GNB1L: variants seen among roughly 807,000 people sequenced by gnomAD.
GNB1L encodes the protein guanine nucleotide-binding protein subunit beta-like protein 1.
Under a neutral mutation model 29.1 loss-of-function variants are expected in GNB1L, and 20 were observed. The ratio of observed to expected loss-of-function variants is 0.69; its 90% CI spans 0.48 to 1.00. The LOEUF (loss-of-function observed/expected upper bound fraction) is 1.00, where lower values mean the gene tolerates loss of function less well. Among genes scored for constraint, GNB1L ranks in the 50% least tolerant of loss-of-function variants. The pLI is 0.00. For synonymous variants in GNB1L, 193 were observed against 206.5 expected (o/e 0.93, Z 0.56); for missense variants, 421 against 464.9 (o/e 0.91, Z 0.87).
At chr22:19,847,133 C>A in intron 2 of GNB1L, 1 of 985,420 alleles carries the variant, frequency 1.0e-6, no homozygotes, top group Non-Finnish European at 1.2e-6. Context: ...TTACTTGTGG[C>A]CTGCTGTGGC....
intron 7 of GNB1L, among the ~76,000 whole-genome samples, chr22:19,793,393 C>A (rs554979284): frequency 1.4e-4 from 21 of 152,198 alleles, no homozygotes; most frequent in East Asian, 1.2e-3. Context: ...ATTGCCCAAT[C>A]TGAAGAGAGA....
intron 7 of GNB1L, among the ~76,000 whole-genome samples, chr22:19,794,156 C>T (rs1262387477): frequency 6.6e-6 from 1 of 152,140 alleles, no homozygotes; most frequent in African/African-American, 2.4e-5. Flanking sequence ...GTAGTCCCAA[C>T]TACTTGGGAG....
chr22:19,820,108 T>C (rs1312622739), intron 4 of GNB1L, among the ~76,000 whole-genome samples: 1 of 152,122 alleles, frequency 6.6e-6, no homozygotes, highest in Non-Finnish European at 1.5e-5. Context: ...GTGTGTGACC[T>C]GCCATGCTCA....
At chr22:19,824,860 C>T (rs1424582249) in intron 2 of GNB1L, among the ~76,000 whole-genome samples, 1 of 152,246 alleles carries the variant, frequency 6.6e-6, no homozygotes, top group Non-Finnish European at 1.5e-5. Flanking sequence ...CCAAACACCA[C>T]AGGTCCCTAC....
intron 4 of GNB1L, among the ~76,000 whole-genome samples, chr22:19,817,063 G>A (rs1358455779): frequency 6.6e-6 from 1 of 152,256 alleles, no homozygotes; most frequent in East Asian, 1.9e-4. Flanking sequence ...TAAAGTTCCT[G>A]GGAGACATGG....
rs762993021 is a variant in GNB1L, at chr22:19,816,599, T to G, written c.254+3999A>C. On this transcript the variant is annotated intron_variant, in intron 4 of 7. Transcript: ENST00000329517. This position sits in a 1 kb window ranked among gnomAD's most constrained non-coding sequence, Gnocchi z 4.4. Reference sequence around the variant, plus strand: ...GGAACACACACATGCCTCACATGCATGCACACAACACACAATCACACACAC... The same window carrying G: ...GGAACACACACATGCCTCACATGCAGGCACACAACACACAATCACACACAC... 3.9e-5 allele frequency among the ~76,000 whole-genome samples: 6 copies of G among 152,056 alleles called. No homozygotes were observed. The highest frequency in any genetic ancestry group is 7.4e-5 in the Non-Finnish European group (5 of 67,990).
At position 19,784,654 on chromosome 22, in the gene GNB1L, C is replaced by G. The variant is rs1937175744; in HGVS notation, c.*4055G>C. On this transcript the variant is annotated 3_prime_UTR_variant, in exon 8 of 8. Coordinates refer to ENST00000329517, the MANE Select transcript of GNB1L (RefSeq NM_053004.3). ...AGAGGTCAGCACATGGTGGCGCCCA[C>G]CGTCGAGAGGGGAGGCCCCTTGGCA... The G allele has an allele frequency of 6.6e-6, 1 of 152,292 alleles. No homozygotes were observed. The highest frequency in any genetic ancestry group is 2.1e-4 in the South Asian group (1 of 4,832). 9.4% of individuals were successfully genotyped at this position (152,292 alleles called of 1,614,324 possible). A position where few individuals can be genotyped will look rare whatever the true frequency, so the allele number is the denominator to read the frequency against.
rs764910561 is a variant in GNB1L at position 19,812,321 on chromosome 22, G to T, written c.381C>A (p.Arg127=). Residue 127 remains arginine, a synonymous_variant, in exon 5 of 8, where the codon CGC becomes CGA. Coordinates refer to ENST00000329517, the MANE Select transcript of GNB1L (RefSeq NM_053004.3). ...RSSILAGGQP[R]WTLAVPGRGS... is the part of the protein sequence containing the mutation. ...CCCTCCCTGGCACGGCAAGCGTCCA[G>T]CGTGGCTGGCCCCCGGCCAGGATGC... 3.1e-6 allele frequency: 5 copies of T among 1,613,066 alleles called. No individual in the cohort carries two copies. In the South Asian group the frequency reaches 5.5e-5, roughly 18 times the overall value.
At chr22:19,852,051 TG>T (rs774450460) in intron 2 of GNB1L, 3 of 1,614,070 alleles carry the variant, frequency 1.9e-6, no homozygotes, top group Non-Finnish European at 2.5e-6. Context: ...CCGCCACAAG[TG>T]CCACTAGCTG....
intron 4 of GNB1L, among the ~76,000 whole-genome samples, chr22:19,815,741 C>G (rs560538000): frequency 6.6e-6 from 1 of 152,070 alleles, no homozygotes; most frequent in Non-Finnish European, 1.5e-5. Flanking sequence ...GCCACCACAC[C>G]CAGCTAATTT....
At chr22:19,789,996 A>G (rs767955769) in intron 7 of GNB1L, among the ~76,000 whole-genome samples, 1 of 152,332 alleles carries the variant, frequency 6.6e-6, no homozygotes, top group East Asian at 1.9e-4. Flanking sequence ...TGACGGGGTG[A>G]TGCCTGCAAG....
At chr22:19,812,838 G>A (rs1937511679) in intron 4 of GNB1L, among the ~76,000 whole-genome samples, 1 of 152,246 alleles carries the variant, frequency 6.6e-6, no homozygotes, top group Non-Finnish European at 1.5e-5. Flanking sequence ...GGGGAGAACA[G>A]AGGGGAGCCA....
In GNB1L at chr22:19,812,365, C is replaced by T; in HGVS notation, c.337G>A (p.Val113Met). Reference sequence around the variant, plus strand: ...AGGATGCTGCTCCGGCAGAAGCCCACACTCTCCAAGCACACGGAGTCCACG... The same window carrying T: ...AGGATGCTGCTCCGGCAGAAGCCCATACTCTCCAAGCACACGGAGTCCACG... The part of the protein sequence containing the change: ...AVVDSVCLES[V>M]GFCRSSILAG... Residue 113 changes from valine to methionine, a missense_variant, in exon 5 of 8, where the codon GTG (valine) becomes ATG (methionine). Coordinates refer to ENST00000329517, the MANE Select transcript of GNB1L (RefSeq NM_053004.3). The T allele has an allele frequency of 6.2e-7, 1 of 1,613,362 alleles. No individual in the cohort carries two copies. The highest frequency in any genetic ancestry group is 8.5e-7 in the Non-Finnish European group (1 of 1,180,000).
At chr22:19,831,719 AAG>A (rs1413657359) in intron 2 of GNB1L, among the ~76,000 whole-genome samples, 1 of 151,760 alleles carries the variant, frequency 6.6e-6, no homozygotes, top group Non-Finnish European at 1.5e-5. Context: ...AATAAAAAGA[AAG>A]ACAAAAATTT....
At chr22:19,819,419 G>A (rs1231455353) in intron 4 of GNB1L, among the ~76,000 whole-genome samples, 3 of 152,224 alleles carry the variant, frequency 2.0e-5, no homozygotes, top group Non-Finnish European at 4.4e-5. Context: ...ATCTGAGGAG[G>A]GGCCTGGGCT....
intron 7 of GNB1L, chr22:19,792,496 C>G: frequency 6.4e-7 from 1 of 1,559,882 alleles, no homozygotes; most frequent in Admixed American, 1.7e-5. Context: ...CGGCAGAGAG[C>G]CATCCTCTAT....
chr22:19,827,219 G>T (rs1937626465), intron 2 of GNB1L, among the ~76,000 whole-genome samples: 1 of 151,850 alleles, frequency 6.6e-6, no homozygotes, highest in African/African-American at 2.4e-5. Flanking sequence ...AAGTATTTAG[G>T]GGTGAAATGC....
chr22:19,847,520 C>T (rs538512092), intron 2 of GNB1L: 1 of 985,412 alleles, frequency 1.0e-6, no homozygotes, highest in African/African-American at 1.7e-5. Flanking sequence ...CTGGTCACAG[C>T]TCAAAAAGGT....
intron 2 of GNB1L, among the ~76,000 whole-genome samples, chr22:19,836,993 G>GT (rs1459271665): frequency 6.7e-6 from 1 of 148,810 alleles, no homozygotes; most frequent in African/African-American, 2.5e-5. Flanking sequence ...TTGAGATGGA[G>GT]TCTCGCTCTG....
Sources: allele counts gnomAD v4.1 joint callset (sites outside exome capture counted in the v4.1 genomes callset), GRCh38; gene constraint gnomAD v4.1.1; non-coding constraint Gnocchi (gnomAD v3.1); transcripts MANE v1.5; gene names NCBI Gene and HGNC (gene_info 2026-07-23, HGNC 2026-07-21).